The following DNAAF4 variants were observed in gnomAD, a reference collection of about 807,000 sequenced individuals.
The protein encoded by DNAAF4 is dynein assembly factor 4, axonemal.
Under a neutral mutation model 51.8 loss-of-function variants are expected in DNAAF4, and 43 were observed. The ratio of observed to expected loss-of-function variants is 0.83; its 90% CI spans 0.65 to 1.07. The LOEUF is 1.07. Ranked by LOEUF, DNAAF4 falls within the 50% of genes least tolerant of loss-of-function variation. The pLI, the probability that DNAAF4 is intolerant of heterozygous loss-of-function variation, is 0.00. For missense variants in DNAAF4, 581 were observed against 493.0 expected, an observed-to-expected ratio of 1.18 and a Z score of -1.69; for synonymous variants, 194 against 165.6, an observed-to-expected ratio of 1.17 and a Z score of -1.32.
At chr15:55,491,037 G>C in intron 4 of DNAAF4, 86 bp downstream of exon 4, 2 of 1,504,164 alleles carry the variant, frequency 1.3e-6, no homozygotes, top group South Asian at 1.2e-5. Flanking sequence ...AGAAAATGCT[G>C]AGGAAGTCCA....
Position 55,494,128 on chromosome 15 carries a change from A to G in DNAAF4, c.272-2872T>C, listed in dbSNP as rs185615062. Among the ~76,000 whole-genome samples, 75 of 150,636 alleles carry G rather than the reference A, an allele frequency of 5.0e-4. 2 individuals are homozygous for G. In the East Asian group the frequency reaches 7.3e-3, roughly 15 times the overall value. On this transcript the variant is annotated intron_variant, in intron 3 of 9. Coordinates refer to ENST00000321149, the MANE Select transcript of DNAAF4 (RefSeq NM_130810.4). ...CACCGCAACCTCCGCCTCCCGGGTTAAAGTGATTCTCCTGCCTCAGCCTCC... is the reference window on the plus strand; with the variant it reads ...CACCGCAACCTCCGCCTCCCGGGTTGAAGTGATTCTCCTGCCTCAGCCTCC...
intron 5 of DNAAF4, among the ~76,000 whole-genome samples, chr15:55,453,713 G>C (rs1356328830): frequency 6.6e-6 from 1 of 151,762 alleles, no homozygotes; most frequent in Non-Finnish European, 1.5e-5. Context: ...ACCACGTCCA[G>C]CTAATTTTTT....
chr15:55,419,805 G>A (rs752395824), intron 7 of DNAAF4, among the ~76,000 whole-genome samples: 40 of 152,070 alleles, frequency 2.6e-4, no homozygotes, highest in Non-Finnish European at 4.3e-4. Flanking sequence ...AAGACCGACC[G>A]GCCTGGCCAA....
At chr15:55,461,517 G>A (rs114337908) in intron 5 of DNAAF4, among the ~76,000 whole-genome samples, 2,627 of 152,196 alleles carry the variant, frequency 0.017, 70 homozygotes, top group African/African-American at 0.06. Context: ...TGGAAATTAC[G>A]TAACCTGCCC....
At chr15:55,459,710 C>CTT (rs368607025) in intron 5 of DNAAF4, among the ~76,000 whole-genome samples, 4,676 of 146,056 alleles carry the variant, frequency 0.032, 137 homozygotes, top group African/African-American at 0.072. Flanking sequence ...TTCTTTCTTT[C>CTT]TTTTTTTTTT....
chr15:55,497,782 C>G lies in DNAAF4; in HGVS notation c.201G>C (p.Gly67=), dbSNP rs757113537. ...ACAAGGTGAAGACAATGGTGTCATT[C>G]CCAATCTTTGCTTTGCTGCTCTCAT... The part of the protein sequence containing the change: ...IDDESSKAKI[G]NDTIVFTLYK... Residue 67 remains glycine, a synonymous_variant, in exon 3 of 10, where the codon GGG becomes GGC. Coordinates refer to ENST00000321149, the MANE Select transcript of DNAAF4 (RefSeq NM_130810.4). The G allele has an allele frequency of 1.9e-6, 3 of 1,605,908 alleles. 1 individual carries two copies. In the South Asian group the frequency reaches 3.3e-5, roughly 18 times the overall value.
Position 55,498,445 on chromosome 15 carries a change from G to A in DNAAF4, c.-116C>T, listed in dbSNP as rs1308916584. 8 of 1,457,386 alleles carry A rather than the reference G, an allele frequency of 5.5e-6. No individual in the cohort carries two copies. The highest frequency in any genetic ancestry group is 2.5e-4 in the Middle Eastern group (1 of 3,936). The allele number at this position is 1,457,386 out of a possible 1,614,324, so 90.3% of individuals were successfully genotyped here. On this transcript the variant is annotated 5_prime_UTR_variant, in exon 2 of 10. Coordinates refer to ENST00000321149, the MANE Select transcript of DNAAF4 (RefSeq NM_130810.4). ...TCCGGGTCAGGCCGGCCGGGAGCCC[G>A]GCGTTCCCAGCGTGCTCCGGCGCCA...
chr15:55,472,889 G>T (rs958866809), intron 4 of DNAAF4, among the ~76,000 whole-genome samples: 1 of 151,942 alleles, frequency 6.6e-6, no homozygotes, highest in Admixed American at 6.6e-5. Flanking sequence ...AACTCAGCCC[G>T]GCATGGAGGC....
intron 4 of DNAAF4, among the ~76,000 whole-genome samples, chr15:55,471,514 C>CT (rs559325274): frequency 2.3e-3 from 327 of 143,932 alleles, no homozygotes; most frequent in Admixed American, 5.5e-3. Context: ...AAATGTTAAA[C>CT]TTTTTTTTTT....
intron 6 of DNAAF4, among the ~76,000 whole-genome samples, 192 bp from the exon 7 acceptor site, chr15:55,439,773 G>A (rs2057677480): frequency 6.6e-6 from 1 of 152,170 alleles, no homozygotes; most frequent in African/African-American, 2.4e-5. Flanking sequence ...GTATTTGGTA[G>A]TGGGGCCTCT....
At chr15:55,475,214 C>T (rs1309423135) in intron 4 of DNAAF4, among the ~76,000 whole-genome samples, 1 of 152,180 alleles carries the variant, frequency 6.6e-6, no homozygotes, top group Middle Eastern at 3.2e-3. Context: ...TAAAATTCAT[C>T]TGCAAAGACA....
chr15:55,479,877 G>A (rs1204984590), intron 4 of DNAAF4, among the ~76,000 whole-genome samples: 1 of 152,138 alleles, frequency 6.6e-6, no homozygotes, highest in Non-Finnish European at 1.5e-5. Flanking sequence ...GGTCAGACCA[G>A]TTCTCTACTC....
chr15:55,423,946 C>T (rs564182792), intron 7 of DNAAF4, among the ~76,000 whole-genome samples: 3 of 152,188 alleles, frequency 2.0e-5, no homozygotes, highest in East Asian at 1.9e-4. Context: ...CAAAATTAGC[C>T]GGGCATGGTG....
intron 6 of DNAAF4, among the ~76,000 whole-genome samples, chr15:55,447,260 C>G (rs923661490): frequency 1.3e-5 from 2 of 149,698 alleles, no homozygotes; most frequent in Admixed American, 6.6e-5. Flanking sequence ...GATGGGGTGG[C>G]GGTCGGGCAG....
At chr15:55,462,631 CA>C (rs34906064) in intron 5 of DNAAF4, among the ~76,000 whole-genome samples, 281 of 110,354 alleles carry the variant, frequency 2.5e-3, no homozygotes, top group South Asian at 6.3e-3. Context: ...AAGGACATAA[CA>C]AAAAAAAAAA....
At chr15:55,479,331 A>T (rs2058377351) in intron 4 of DNAAF4, among the ~76,000 whole-genome samples, 1 of 151,990 alleles carries the variant, frequency 6.6e-6, no homozygotes, top group Non-Finnish European at 1.5e-5. Context: ...TCATTTTAAT[A>T]TGGACATTTA....
chr15:55,448,731 G>A (rs1388360665), intron 6 of DNAAF4, among the ~76,000 whole-genome samples: 6 of 151,368 alleles, frequency 4.0e-5, no homozygotes, highest in Non-Finnish European at 7.4e-5. Context: ...TTAGCTGGGC[G>A]TGGCGGTGGG....
chr15:55,427,641 CT>C (rs796446185), downstream of DNAAF4, among the ~76,000 whole-genome samples: 114 of 144,998 alleles, frequency 7.9e-4, no homozygotes, highest in African/African-American at 1.8e-3. Context: ...AGTATGACTT[CT>C]TTTTTTTTTT....
intron 7 of DNAAF4, among the ~76,000 whole-genome samples, chr15:55,419,497 CA>C (rs2057369462): frequency 6.6e-6 from 1 of 152,050 alleles, no homozygotes. Flanking sequence ...CTCGGCCTCC[CA>C]AAGTGTTGGG....
Sources: allele counts gnomAD v4.1 joint callset (sites outside exome capture counted in the v4.1 genomes callset), GRCh38; gene constraint gnomAD v4.1.1; transcripts MANE v1.5; gene names NCBI Gene and HGNC (gene_info 2026-07-23, HGNC 2026-07-21).